Variants in FAM227B observed in about 807,000 individuals in gnomAD.
FAM227B encodes protein FAM227B.
FAM227B carries 88 observed loss-of-function variants against 73.8 expected under a neutral mutation model. That is an observed-to-expected ratio of 1.19 (90% CI 1.00 to 1.42). The LOEUF is 1.42. Ranked by LOEUF, FAM227B falls within the 40% of genes most tolerant of loss-of-function variation. FAM227B has a pLI of 0.00. For missense variants in FAM227B, 632 were observed against 590.9 expected (o/e 1.07, Z -0.72); for synonymous variants, 210 against 190.5 (o/e 1.10, Z -0.84).
In FAM227B at chr15:49,547,753, T is replaced by A. The variant is rs191280881; in HGVS notation, c.748-5947A>T. 1.2e-3 allele frequency among the ~76,000 whole-genome samples: 186 copies of A among 152,262 alleles called. 1 individual carries two copies. Among genetic ancestry groups the A allele is most frequent in the African/African-American group, 4.3e-3 (178 of 41,562 alleles). On this transcript the variant is annotated intron_variant, in intron 9 of 15. Transcript: ENST00000299338. ...AGACATTTATATAATGATAAAGCAA[T>A]CAGTCCAACAGGAAAATGTCACAAT... is the stretch of plus-strand genomic sequence containing the variant.
chr15:49,498,021 CATCTATTAAAATTTA>C (rs1441778450), intron 11 of FAM227B, among the ~76,000 whole-genome samples: 3 of 152,206 alleles, frequency 2.0e-5, no homozygotes, highest in Non-Finnish European at 2.9e-5. Flanking sequence ...CATTCACCCT[CATCTATTAAAATTTA>C]ATCCAGGAAA....
At chr15:49,472,029 A>G (rs2151969518) in intron 11 of FAM227B, among the ~76,000 whole-genome samples, 1 of 152,224 alleles carries the variant, frequency 6.6e-6, no homozygotes, top group South Asian at 2.1e-4. Flanking sequence ...TGAAAAAAAA[A>G]AAAAAGCTGT....
At chr15:49,491,808 C>A (rs2057131269) in intron 11 of FAM227B, among the ~76,000 whole-genome samples, 1 of 151,672 alleles carries the variant, frequency 6.6e-6, no homozygotes, top group African/African-American at 2.4e-5. Context: ...GACAATTCTA[C>A]CATGTTTGTA....
At chr15:49,593,578 T>C (rs56763435) in intron 3 of FAM227B, among the ~76,000 whole-genome samples, 9,129 of 152,102 alleles carry the variant, frequency 0.06, 979 homozygotes, top group African/African-American at 0.21. Context: ...TGTAGTCTTT[T>C]GTACCTCAAC....
At chr15:49,351,756 C>A (rs989906291) in intron 13 of FAM227B, among the ~76,000 whole-genome samples, 2 of 95,928 alleles carry the variant, frequency 2.1e-5, no homozygotes, top group Non-Finnish European at 4.9e-5. Context: ...CTCAGCTGAC[C>A]CTATAAGGGA....
At chr15:49,494,205 AAAC>A (rs2057381402) in intron 11 of FAM227B, among the ~76,000 whole-genome samples, 2 of 151,708 alleles carry the variant, frequency 1.3e-5, no homozygotes, top group South Asian at 4.1e-4. Context: ...TGCATATATT[AAAC>A]AACTGCCAAA....
chr15:49,416,869 A>AT (rs1212540111), intron 11 of FAM227B, among the ~76,000 whole-genome samples: 3 of 152,094 alleles, frequency 2.0e-5, no homozygotes, highest in Admixed American at 6.6e-5. Flanking sequence ...ATTATAAAAC[A>AT]TTGCTCAAAG....
intron 5 of FAM227B, among the ~76,000 whole-genome samples, 185 bp downstream of exon 5, chr15:49,587,831 C>A (rs2076260798): frequency 2.6e-5 from 4 of 151,944 alleles, no homozygotes; most frequent in Admixed American, 2.6e-4. Context: ...GATGCCAATA[C>A]TCAGTAATAC....
In FAM227B at chr15:49,377,198, C is replaced by T. The variant is rs1285984037; in HGVS notation, c.1013-5799G>A. On this transcript the variant is annotated intron_variant, in intron 11 of 15. Transcript: ENST00000299338. ...TCCATGTTGTTGCAAATGCCTGGAC[C>T]TTACTCTTTTTATGGCTGAATAGTA... Among the ~76,000 whole-genome samples, 4 of 151,956 alleles carry T rather than the reference C, an allele frequency of 2.6e-5. No individual in the cohort carries two copies. The South Asian group carries it at 8.3e-4, about 32-fold the overall frequency.
rs565635913 is a variant in FAM227B, at chr15:49,445,118, G to A, written c.1012+63093C>T. 9.2e-5 allele frequency among the ~76,000 whole-genome samples: 14 copies of A among 151,572 alleles called. No homozygotes were observed. The South Asian group carries it at 2.7e-3, about 29-fold the overall frequency. ...AATTTCATAATTTAAAATGGTTGGT[G>A]TTTTTTCAACTTTTATTTTAGATTC... is the stretch of plus-strand genomic sequence containing the variant. On this transcript the variant is annotated intron_variant, in intron 11 of 15. Transcript: ENST00000299338.
intron 11 of FAM227B, among the ~76,000 whole-genome samples, chr15:49,489,869 T>G (rs2056878853): frequency 1.3e-4 from 2 of 15,364 alleles, no homozygotes; most frequent in African/African-American, 3.3e-4. Flanking sequence ...TTTATATATA[T>G]ATATATATAT....
intron 9 of FAM227B, among the ~76,000 whole-genome samples, chr15:49,555,934 A>G (rs2413963): frequency 0.7 from 106,998 of 152,042 alleles, 37,965 homozygotes; most frequent in East Asian, 0.92. Context: ...GTCTTCTACC[A>G]CCTGTATCAT....
chr15:49,419,366 C>A (rs1261421782), intron 11 of FAM227B, among the ~76,000 whole-genome samples: 1 of 152,164 alleles, frequency 6.6e-6, no homozygotes, highest in Non-Finnish European at 1.5e-5. Context: ...ATTTTCAGTG[C>A]GCTTGGCATG....
intron 11 of FAM227B, among the ~76,000 whole-genome samples, chr15:49,377,196 A>C (rs2046223862): frequency 6.6e-6 from 1 of 151,932 alleles, no homozygotes; most frequent in Non-Finnish European, 1.5e-5. Flanking sequence ...AAATGCCTGG[A>C]CCTTACTCTT....
intron 13 of FAM227B, among the ~76,000 whole-genome samples, chr15:49,345,901 G>A (rs1596344252): frequency 6.6e-6 from 1 of 152,302 alleles, no homozygotes; most frequent in East Asian, 1.9e-4. Flanking sequence ...GCCTTTGAGA[G>A]ATTGAGTGTG....
At chr15:49,505,315 C>A (rs1293989679) in intron 11 of FAM227B, among the ~76,000 whole-genome samples, 1 of 151,738 alleles carries the variant, frequency 6.6e-6, no homozygotes, top group Admixed American at 6.6e-5. Flanking sequence ...GTTTTTTTAC[C>A]TCGAGTTGTA....
intron 11 of FAM227B, among the ~76,000 whole-genome samples, chr15:49,413,638 G>C (rs564898643): frequency 6.6e-6 from 1 of 151,934 alleles, no homozygotes; most frequent in African/African-American, 2.4e-5. Flanking sequence ...TCTCCAAAAA[G>C]TTTTCAGAAT....
chr15:49,611,888 C>A (rs934307936), intron 2 of FAM227B, among the ~76,000 whole-genome samples: 1 of 152,096 alleles, frequency 6.6e-6, no homozygotes, highest in Non-Finnish European at 1.5e-5. Context: ...CCTTTCTTGG[C>A]CTATTTAACT....
At chr15:49,421,142 G>T (rs189426103) in intron 11 of FAM227B, among the ~76,000 whole-genome samples, 1 of 152,270 alleles carries the variant, frequency 6.6e-6, no homozygotes, top group African/African-American at 2.4e-5. Context: ...AGCAACAAAC[G>T]GTTGCCAATG....
Sources: gnomAD v4.1 joint callset for allele counts (sites outside exome capture counted in the v4.1 genomes callset) on GRCh38, gnomAD v4.1.1 for gene constraint, MANE v1.5 for transcripts, NCBI Gene and HGNC (gene_info 2026-07-23, HGNC 2026-07-21) for gene names.